The following GOSR1 variants were observed in gnomAD, a reference collection of about 807,000 sequenced individuals.
GOSR1 encodes golgi SNAP receptor complex member 1, also known as 28 kDa Golgi SNARE protein.
GOSR1 carries 21 observed loss-of-function variants against 35.5 expected under a neutral mutation model. The observed-to-expected ratio is 0.59, with a 90% CI of 0.42 to 0.85. The LOEUF (loss-of-function observed/expected upper bound fraction) is 0.85. Among genes scored for constraint, GOSR1 ranks in the 40% least tolerant of loss-of-function variants. The pLI, the probability that GOSR1 is intolerant of heterozygous loss-of-function variation, is 0.00. For missense variants in GOSR1, 285 were observed against 309.6 expected, an observed-to-expected ratio of 0.92 and a Z score of 0.60; for synonymous variants, 94 against 106.6, an observed-to-expected ratio of 0.88 and a Z score of 0.73.
rs1968177853 is a variant in GOSR1 at position 30,526,089 on chromosome 17, T to C, written c.*3711T>C. 6.6e-6 allele frequency: 1 copy of C among 152,218 alleles called. No individual in the cohort carries two copies. The allele number at this position is 152,218 out of a possible 1,614,324, so 9.4% of individuals were successfully genotyped here. A position where few individuals can be genotyped will look rare whatever the true frequency, so the allele number is the denominator to read the frequency against. On this transcript the variant is annotated 3_prime_UTR_variant, in exon 9 of 9. Transcript: ENST00000451249. ...TCAGCTCCATGTCATTTAACTTTTT[T>C]GTTTAACCACCTTGGCTTTCTCTCC...
At chr17:30,514,494 C>A (rs549668714) in intron 7 of GOSR1, among the ~76,000 whole-genome samples, 13 of 152,274 alleles carry the variant, frequency 8.5e-5, no homozygotes, top group Admixed American at 4.6e-4. Context: ...TTAACCTAAC[C>A]AAGATAGAAT....
At chr17:30,480,313 A>G (rs1914251262) in intron 1 of GOSR1, 2 of 152,100 alleles carry the variant, frequency 1.3e-5, no homozygotes, top group Non-Finnish European at 2.9e-5. Flanking sequence ...CCATCTCAAA[A>G]AAAAAAAGAA....
chr17:30,478,046 T>G (rs1914066874), intron 1 of GOSR1: 7 of 446,930 alleles, frequency 1.6e-5, no homozygotes, highest in African/African-American at 2.1e-5. Flanking sequence ...AACTTACCCT[T>G]CTGCTCTAGA....
At position 30,492,547 on chromosome 17, in the gene GOSR1, A is replaced by T. The variant is rs1049732777; in HGVS notation, c.435-132A>T. 5.7e-5 allele frequency: 34 copies of T among 601,602 alleles called. No individual in the cohort carries two copies. The African/African-American group carries it at 6.3e-4, about 11-fold the overall frequency. 37.3% of individuals were successfully genotyped at this position (601,602 alleles called of 1,614,324 possible). A position where few individuals can be genotyped will look rare whatever the true frequency, so the allele number is the denominator to read the frequency against. On this transcript the variant is annotated intron_variant, in intron 5 of 8. Coordinates refer to ENST00000451249, the MANE Select transcript of GOSR1 (RefSeq NM_001007025.2). ...CATTTTTCAGAGGGAAATGCAAAGG[A>T]TTATGTACTTTCATTGTTCATTCAA... is the stretch of plus-strand genomic sequence containing the variant.
At chr17:30,496,134 T>C (rs1350775960) in intron 6 of GOSR1, among the ~76,000 whole-genome samples, 1 of 152,198 alleles carries the variant, frequency 6.6e-6, no homozygotes, top group Non-Finnish European at 1.5e-5. Context: ...CTATAGTTGT[T>C]AAGGGATGGA....
intron 1 of GOSR1, chr17:30,480,729 TGAGACA>T (rs1555612667): frequency 4.6e-4 from 69 of 151,464 alleles, no homozygotes; most frequent in South Asian, 4.1e-4. Flanking sequence ...TTCCTTTTTT[TGAGACA>T]TAGTTTTGTT....
chr17:30,484,205 TC>T lies in GOSR1; in HGVS notation c.147-8del. 2 of 1,498,344 alleles carry T rather than the reference TC, an allele frequency of 1.3e-6. No homozygotes were observed. Among genetic ancestry groups the T allele is most frequent in the South Asian group, 2.3e-5 (2 of 88,574 alleles). 92.8% of individuals were successfully genotyped at this position (1,498,344 alleles called of 1,614,324 possible). On this transcript the variant is annotated splice_region_variant and splice_polypyrimidine_tract_variant and intron_variant, in intron 2 of 8. Transcript: ENST00000451249. ...GTAATGGATCCTCTTTAACTGAACT[TC>T]TTTTTAGTTCTGATACAACACCCCT...
At chr17:30,477,831 C>T in intron 1 of GOSR1, 1 of 985,294 alleles carries the variant, frequency 1.0e-6, no homozygotes. Flanking sequence ...GGAGAAGATC[C>T]AGAGCCCCGG....
chr17:30,505,523 C>T (rs183833521), intron 6 of GOSR1, among the ~76,000 whole-genome samples: 14 of 152,288 alleles, frequency 9.2e-5, no homozygotes, highest in Admixed American at 7.2e-4. Flanking sequence ...AACCCTGTGT[C>T]GAGGAAGTCT....
chr17:30,486,484 A>G (rs1377596864), intron 4 of GOSR1, among the ~76,000 whole-genome samples: 2 of 151,626 alleles, frequency 1.3e-5, no homozygotes, highest in Non-Finnish European at 2.9e-5. Flanking sequence ...AGATTGCACC[A>G]CTGCACTCCA....
intron 6 of GOSR1, among the ~76,000 whole-genome samples, chr17:30,502,179 A>G (rs1326399272): frequency 6.6e-6 from 1 of 152,226 alleles, no homozygotes; most frequent in Non-Finnish European, 1.5e-5. Flanking sequence ...AAGATCAGCA[A>G]TTCTCAGGGG....
In GOSR1 at chr17:30,526,184, A is replaced by G. The variant is rs1968179385; in HGVS notation, c.*3806A>G. 1.3e-5 allele frequency: 2 copies of G among 152,232 alleles called. No homozygotes were observed. Among genetic ancestry groups the G allele is most frequent in the African/African-American group, 2.4e-5 (1 of 41,456 alleles). The allele number at this position is 152,232 out of a possible 1,614,324, so 9.4% of individuals were successfully genotyped here. ...TAACAGTTAGTTACTTGTTAATGCT[A>G]GTCACAGCCAGGAGGTCAGAAGGAA... is the stretch of plus-strand genomic sequence containing the variant. On this transcript the variant is annotated 3_prime_UTR_variant, in exon 9 of 9. Transcript: ENST00000451249.
intron 6 of GOSR1, among the ~76,000 whole-genome samples, chr17:30,508,763 G>T (rs1658016518): frequency 6.6e-6 from 1 of 152,172 alleles, no homozygotes; most frequent in Admixed American, 6.5e-5. Flanking sequence ...GCCAGGTACT[G>T]ATCCAATCAC....
At chr17:30,491,896 G>C (rs926388768) in intron 5 of GOSR1, among the ~76,000 whole-genome samples, 20 of 152,158 alleles carry the variant, frequency 1.3e-4, no homozygotes, top group African/African-American at 4.8e-4. Flanking sequence ...TTAAATCCAA[G>C]TCATCAGTCT....
At chr17:30,483,906 G>A (rs1914510532) in intron 2 of GOSR1, among the ~76,000 whole-genome samples, 1 of 152,192 alleles carries the variant, frequency 6.6e-6, no homozygotes, top group Non-Finnish European at 1.5e-5. Flanking sequence ...TGCAGGACAT[G>A]GCTGTATATA....
At chr17:30,501,045 T>A (rs1230850229) in intron 6 of GOSR1, among the ~76,000 whole-genome samples, 1 of 151,948 alleles carries the variant, frequency 6.6e-6, no homozygotes, top group East Asian at 1.9e-4. Flanking sequence ...GACGCCCGGC[T>A]AATTTTTTGT....
At chr17:30,487,333 A>C (rs1204680533) in intron 4 of GOSR1, among the ~76,000 whole-genome samples, 1 of 152,182 alleles carries the variant, frequency 6.6e-6, no homozygotes, top group Non-Finnish European at 1.5e-5. Context: ...CAAGAAGGAT[A>C]GAAAAAGAAA....
At chr17:30,499,342 C>CTTTTT (rs3039523) in intron 6 of GOSR1, among the ~76,000 whole-genome samples, 3 of 133,748 alleles carry the variant, frequency 2.2e-5, no homozygotes, top group East Asian at 2.2e-4. Context: ...TCTCATTCCT[C>CTTTTT]TTTTTTTTTT....
chr17:30,492,851 C>T, intron 6 of GOSR1, 98 bp downstream of exon 6: 1 of 713,650 alleles, frequency 1.4e-6, no homozygotes, highest in Non-Finnish European at 2.5e-6. Context: ...TACTGAGTGC[C>T]TTGTCCATGC....
Sources: gnomAD v4.1 joint callset for allele counts (sites outside exome capture counted in the v4.1 genomes callset) on GRCh38, gnomAD v4.1.1 for gene constraint, MANE v1.5 for transcripts, NCBI Gene and HGNC (gene_info 2026-07-23, HGNC 2026-07-21) for gene names.